Variants in CDC73 observed in about 807,000 individuals in gnomAD.
CDC73 encodes the protein cell division cycle 73.
In CDC73, 21 loss-of-function variants were observed where a neutral mutation model predicts 83.7. The observed-to-expected ratio is 0.25, with a 90% CI of 0.18 to 0.36. The LOEUF (loss-of-function observed/expected upper bound fraction) is 0.36. Ranked by LOEUF, CDC73 falls within the 10% of genes least tolerant of loss-of-function variation. The pLI is 1.00. For synonymous variants in CDC73, 224 were observed against 212.9 expected, an observed-to-expected ratio of 1.05 and a Z score of -0.45; for missense variants, 342 against 653.3, an observed-to-expected ratio of 0.52 and a Z score of 5.19.
chr1:193,142,261 A>G (rs1396363669), intron 7 of CDC73, among the ~76,000 whole-genome samples, 195 bp downstream of exon 7: 1 of 152,208 alleles, frequency 6.6e-6, no homozygotes, highest in East Asian at 1.9e-4. Context: ...GTTGTTAGAC[A>G]TCAGAGATGC....
intron 11 of CDC73, among the ~76,000 whole-genome samples, chr1:193,207,743 A>G (rs1350914638): frequency 2.0e-5 from 3 of 152,200 alleles, no homozygotes; most frequent in African/African-American, 7.2e-5. Context: ...CTGATTTCAT[A>G]TTGTTCAAAC....
Position 193,251,066 on chromosome 1 carries a change from G to T in CDC73, c.*354G>T, listed in dbSNP as rs980026411. ...CTGAGCCATCTTCTGATTTTTCATT[G>T]CTCTATAATTCTTTTTACTGAAAAT... On this transcript the variant is annotated 3_prime_UTR_variant, in exon 17 of 17. Transcript: ENST00000367435. 3.3e-6 allele frequency: 1 copy of T among 304,016 alleles called. No homozygotes were observed. Among genetic ancestry groups the T allele is most frequent in the Admixed American group, 4.6e-5 (1 of 21,750 alleles). 18.8% of individuals were successfully genotyped at this position (304,016 alleles called of 1,614,324 possible).
chr1:193,212,477 A>G lies in CDC73; in HGVS notation c.1154A>G (p.Lys385Arg), dbSNP rs767954357. 1 of 1,538,592 alleles carries G rather than the reference A, an allele frequency of 6.5e-7. No individual in the cohort carries two copies. The highest frequency in any genetic ancestry group is 9.0e-7 in the Non-Finnish European group (1 of 1,112,508). Reference protein sequence around the residue: ...LNAKDLLQDLKFVPSDEKKKQ... With the variant: ...LNAKDLLQDLRFVPSDEKKKQ... ...GCAAAAGACCTTCTACAGGACCTGA[A>G]GTAAGTAATTTATTAAACTATCCTG... is the stretch of plus-strand genomic sequence containing the variant. The change falls in exon 13 of 17, where the codon AAA (lysine) becomes AGA (arginine). Residue 385 changes from lysine (K) to arginine (R), a missense_variant and splice_region_variant. Physicochemically the swap from Lys to Arg is conservative, Grantham distance 26. Transcript: ENST00000367435.
intron 13 of CDC73, among the ~76,000 whole-genome samples, chr1:193,218,792 T>A (rs1050969801): frequency 3.3e-5 from 5 of 152,106 alleles, no homozygotes; most frequent in African/African-American, 1.2e-4. Context: ...TTGTAGGACC[T>A]GAAACTATAA....
chr1:193,190,405 T>G (rs930375951), intron 10 of CDC73, among the ~76,000 whole-genome samples: 4 of 152,240 alleles, frequency 2.6e-5, no homozygotes, highest in Non-Finnish European at 1.5e-5. Flanking sequence ...TAGTTTCCCC[T>G]TTTTGAAGAG....
chr1:193,209,574 C>T (rs867068437), intron 11 of CDC73, among the ~76,000 whole-genome samples: 7 of 152,126 alleles, frequency 4.6e-5, no homozygotes, highest in South Asian at 2.1e-4. Flanking sequence ...CCCCCTCCCC[C>T]GTTAAGATCA....
At chr1:193,228,902 C>G (rs1362404952) in intron 13 of CDC73, among the ~76,000 whole-genome samples, 1 of 151,956 alleles carries the variant, frequency 6.6e-6, no homozygotes, top group Admixed American at 6.6e-5. Context: ...AAATTTGTAT[C>G]TAGAATCCTG....
intron 10 of CDC73, among the ~76,000 whole-genome samples, chr1:193,168,050 A>G (rs1676461812): frequency 6.6e-6 from 1 of 151,808 alleles, no homozygotes; most frequent in African/African-American, 2.4e-5. Context: ...TAATAGAGAC[A>G]GGGTTTCACC....
chr1:193,223,061 T>C (rs958232272), intron 13 of CDC73, among the ~76,000 whole-genome samples: 1 of 152,180 alleles, frequency 6.6e-6, no homozygotes, highest in African/African-American at 2.4e-5. Flanking sequence ...TTCAAACCAT[T>C]ATCTGTCTTT....
chr1:193,207,604 C>T (rs930999527), intron 11 of CDC73, among the ~76,000 whole-genome samples: 1 of 152,112 alleles, frequency 6.6e-6, no homozygotes, highest in Admixed American at 6.5e-5. Flanking sequence ...CTTGCATGCC[C>T]ATTTTTAGGC....
At chr1:193,147,102 C>T (rs1237764917) in intron 7 of CDC73, among the ~76,000 whole-genome samples, 2 of 151,888 alleles carry the variant, frequency 1.3e-5, no homozygotes, top group East Asian at 3.9e-4. Flanking sequence ...ACGCCATTCT[C>T]CTGCCTCAGC....
At chr1:193,156,603 G>T (rs1676210961) in intron 10 of CDC73, among the ~76,000 whole-genome samples, 1 of 151,938 alleles carries the variant, frequency 6.6e-6, no homozygotes, top group African/African-American at 2.4e-5. Context: ...TTAAAAGCAG[G>T]AACACATACA....
In CDC73 at chr1:193,152,460, T is replaced by C; in HGVS notation, c.972+16T>C. 6.4e-7 allele frequency: 1 copy of C among 1,557,104 alleles called. No homozygotes were observed. The highest frequency in any genetic ancestry group is 1.1e-5 in the South Asian group (1 of 89,810). On this transcript the variant is annotated intron_variant, in intron 10 of 16. Transcript: ENST00000367435. ...ATCTGTAACGGTAAGTTAATTTGGC[T>C]GTAGATGTTCTTTTGTTCCAGGGAT...
At chr1:193,193,780 AGTGTGTGTGTGTGTGTGTGT>A (rs71111459) in intron 10 of CDC73, among the ~76,000 whole-genome samples, 46 of 135,916 alleles carry the variant, frequency 3.4e-4, no homozygotes, top group Admixed American at 7.3e-4. Flanking sequence ...TCTTACTTGT[AGTGTGTGTGTGTGTGTGTGT>A]GTGTGTGTGT....
chr1:193,252,048 T>G lies in CDC73; in HGVS notation c.*1336T>G, dbSNP rs1678052084. 4.3e-6 allele frequency: 1 copy of G among 231,392 alleles called. No individual in the cohort carries two copies. Among genetic ancestry groups the G allele is most frequent in the East Asian group, 6.1e-5 (1 of 16,350 alleles). The allele number at this position is 231,392 out of a possible 1,614,324, so 14.3% of individuals were successfully genotyped here. A position where few individuals can be genotyped will look rare whatever the true frequency, so the allele number is the denominator to read the frequency against. Reference sequence around the variant, plus strand: ...GACATTATCTAGCTTCTTAATGAAATTTAACACTGTCACAAAAATGAGAAG... The same window carrying G: ...GACATTATCTAGCTTCTTAATGAAAGTTAACACTGTCACAAAAATGAGAAG... On this transcript the variant is annotated 3_prime_UTR_variant, in exon 17 of 17. Coordinates refer to ENST00000367435, the MANE Select transcript of CDC73 (RefSeq NM_024529.5).
Position 193,224,790 on chromosome 1 carries a change from G to C in CDC73, c.1155-8203G>C, listed in dbSNP as rs1164592227. 2.0e-5 allele frequency among the ~76,000 whole-genome samples: 3 copies of C among 151,996 alleles called. No individual in the cohort carries two copies. In the East Asian group the frequency reaches 5.8e-4, roughly 29 times the overall value. ...ATAATTATTTCAGACCAATTTTTTA[G>C]CTCAACCAATGTTTGAGGATGCTGA... On this transcript the variant is annotated intron_variant, in intron 13 of 16. Transcript: ENST00000367435.
intron 7 of CDC73, among the ~76,000 whole-genome samples, chr1:193,147,585 G>A (rs547105151): frequency 5.3e-5 from 8 of 152,146 alleles, no homozygotes; most frequent in African/African-American, 1.4e-4. Flanking sequence ...AGCCAGGGTG[G>A]TCTCCATCTC....
At chr1:193,248,934 A>G (rs1364493261) in intron 15 of CDC73, among the ~76,000 whole-genome samples, 3 of 152,082 alleles carry the variant, frequency 2.0e-5, no homozygotes, top group East Asian at 1.9e-4. Context: ...TTGAAATGAC[A>G]ACAAAGGATT....
rs1241998258 is a variant in CDC73 at position 193,234,175 on chromosome 1, T to TCTCTCA, written c.1316+1022_1316+1023insTCTCAC. Among the ~76,000 whole-genome samples, 300 of 101,390 alleles carry TCTCTCA rather than the reference T, an allele frequency of 3.0e-3. 4 individuals are homozygous for TCTCTCA. Among genetic ancestry groups the TCTCTCA allele is most frequent in the African/African-American group, 0.012 (280 of 23,976 alleles). 66.5% of individuals were successfully genotyped at this position (101,390 alleles called of 152,430 possible). On this transcript the variant is annotated intron_variant, in intron 14 of 16. Coordinates refer to ENST00000367435, the MANE Select transcript of CDC73 (RefSeq NM_024529.5). ...TTCTCTCTCTCTCTCTCTCTCTCTCTCACACACACACACACACACACACAC... is the reference window on the plus strand; with the variant it reads ...TTCTCTCTCTCTCTCTCTCTCTCTCTCTCTCACACACACACACACACACACACACAC...
Sources: allele counts gnomAD v4.1 joint callset (sites outside exome capture counted in the v4.1 genomes callset), GRCh38; gene constraint gnomAD v4.1.1; transcripts MANE v1.5; gene names NCBI Gene and HGNC (gene_info 2026-07-23, HGNC 2026-07-21).